COL4A2: variants seen among roughly 807,000 people sequenced by gnomAD.
COL4A2 encodes collagen alpha-2(IV) chain.
COL4A2 carries 99 observed loss-of-function variants against 200.2 expected under a neutral mutation model. The observed-to-expected ratio is 0.49, with a 90% confidence interval of 0.42 to 0.58. COL4A2 has a LOEUF of 0.58. COL4A2 is among the 20% of genes least tolerant of loss of function. The probability of loss-of-function intolerance (pLI) is 0.00; values close to 1 mark genes in which losing one functional copy is unlikely to be tolerated. For synonymous variants in COL4A2, 897 were observed against 900.6 expected, an observed-to-expected ratio of 1.00 and a Z score of 0.07; for missense variants, 1,950 against 2,314.1, an observed-to-expected ratio of 0.84 and a Z score of 3.23.
intron 16 of COL4A2, among the ~76,000 whole-genome samples, chr13:110,440,843 A>G (rs903198864): frequency 1.3e-5 from 2 of 152,130 alleles, no homozygotes; most frequent in Non-Finnish European, 2.9e-5. Flanking sequence ...ACTCATGCCA[A>G]CATACACACA....
intron 20 of COL4A2, chr13:110,456,314 G>A: frequency 4.4e-6 from 1 of 227,976 alleles, no homozygotes; most frequent in Non-Finnish European, 8.7e-6. Context: ...TGCATGTAAG[G>A]CATGAAAGAG....
intron 4 of COL4A2, among the ~76,000 whole-genome samples, chr13:110,382,195 T>C (rs9521733): frequency 0.41 from 62,180 of 152,088 alleles, 12,866 homozygotes; most frequent in African/African-American, 0.46. Flanking sequence ...CCATTCCAAA[T>C]GTCTTCAAAC....
chr13:110,399,348 G>C (rs752812271), intron 4 of COL4A2, among the ~76,000 whole-genome samples: 73 of 152,286 alleles, frequency 4.8e-4, no homozygotes, highest in Non-Finnish European at 3.7e-4. Context: ...AGAGAACCTT[G>C]ATGGCCATCA....
chr13:110,430,026 G>A (rs576966286), intron 8 of COL4A2, 70 bp downstream of exon 8: 120 of 1,445,044 alleles, frequency 8.3e-5, no homozygotes, highest in Non-Finnish European at 1.1e-4. Context: ...AAAGTTAATT[G>A]CCAAGTGAAC....
intron 33 of COL4A2, 94 bp from the exon 34 acceptor site, chr13:110,485,561 A>G: frequency 1.4e-6 from 1 of 728,742 alleles, no homozygotes. Context: ...CACAGCACGT[A>G]GGACAGCAAA....
At chr13:110,404,390 C>T (rs1879487204) in intron 4 of COL4A2, among the ~76,000 whole-genome samples, 1 of 152,122 alleles carries the variant, frequency 6.6e-6, no homozygotes, top group African/African-American at 2.4e-5. Flanking sequence ...ACACCTACTG[C>T]GTGAAGGGTT....
intron 3 of COL4A2, among the ~76,000 whole-genome samples, chr13:110,313,538 T>TGCTGGGTTCCA (rs1357515559): frequency 8.1e-5 from 11 of 135,106 alleles, no homozygotes; most frequent in African/African-American, 2.5e-4. Flanking sequence ...CCCACCCCGG[T>TGCTGGGTTCCA]GCCCCGCGTC....
intron 18 of COL4A2, among the ~76,000 whole-genome samples, chr13:110,447,179 C>T (rs758531484): frequency 1.4e-4 from 22 of 152,150 alleles, no homozygotes; most frequent in Non-Finnish European, 2.6e-4. Context: ...AGTTCTAGTT[C>T]TGCCGTCTGG....
chr13:110,416,596 G>C (rs1880050372), intron 4 of COL4A2, among the ~76,000 whole-genome samples: 1 of 152,228 alleles, frequency 6.6e-6, no homozygotes, highest in Admixed American at 6.5e-5. Flanking sequence ...CCTATTTTTA[G>C]AATAAGGAGC....
chr13:110,347,461 G>T (rs1190571699), intron 3 of COL4A2, among the ~76,000 whole-genome samples: 1 of 152,164 alleles, frequency 6.6e-6, no homozygotes, highest in Non-Finnish European at 1.5e-5. Context: ...CTGAACTCTT[G>T]CCCTTTGCTA....
chr13:110,476,490 G>A (rs1247716963), intron 29 of COL4A2, among the ~76,000 whole-genome samples: 1 of 152,238 alleles, frequency 6.6e-6, no homozygotes, highest in Non-Finnish European at 1.5e-5. Context: ...GTCAGACAGT[G>A]CGCAGTCAGC....
At chr13:110,444,689 A>T (rs1466883038) in intron 16 of COL4A2, among the ~76,000 whole-genome samples, 2 of 152,220 alleles carry the variant, frequency 1.3e-5, no homozygotes, top group East Asian at 3.8e-4. Context: ...GGCATTCTGA[A>T]TTTTGAGAGC....
chr13:110,431,401 G>A (rs1880676149), intron 10 of COL4A2, among the ~76,000 whole-genome samples: 1 of 152,080 alleles, frequency 6.6e-6, no homozygotes, highest in Non-Finnish European at 1.5e-5. Context: ...TAACAGTTGG[G>A]GGGTACTCAT....
At chr13:110,357,599 C>T in intron 4 of COL4A2, 47 bp downstream of exon 4, 2 of 1,550,434 alleles carry the variant, frequency 1.3e-6, no homozygotes, top group Non-Finnish European at 1.7e-6. Context: ...CTCATACAGT[C>T]ATGCCTCGCT....
At chr13:110,379,366 A>G (rs1474790006) in intron 4 of COL4A2, among the ~76,000 whole-genome samples, 1 of 152,234 alleles carries the variant, frequency 6.6e-6, no homozygotes, top group Non-Finnish European at 1.5e-5. Flanking sequence ...CACCCGAGGG[A>G]AAGCCTTGCC....
intron 22 of COL4A2, among the ~76,000 whole-genome samples, chr13:110,459,953 T>A (rs1181062265): frequency 2.0e-5 from 3 of 152,224 alleles, no homozygotes; most frequent in Non-Finnish European, 2.9e-5. Context: ...CTGTGCCTTA[T>A]GCAAAGGTCA....
At chr13:110,505,037 G>A (rs995447918) in intron 45 of COL4A2, among the ~76,000 whole-genome samples, 4 of 151,762 alleles carry the variant, frequency 2.6e-5, no homozygotes, top group Non-Finnish European at 5.9e-5. Context: ...AATGGTCTGA[G>A]CATTAAAATT....
chr13:110,307,728 G>A lies in COL4A2; in HGVS notation c.-44-132G>A, dbSNP rs1487606026. The A allele has an allele frequency of 3.7e-6, 3 of 818,852 alleles. No individual in the cohort carries two copies. The East Asian group carries it at 8.3e-5, about 23-fold the overall frequency. The allele number at this position is 818,852 out of a possible 1,614,324, so 50.7% of individuals were successfully genotyped here. The stretch of plus-strand genomic sequence containing the variant: ...CTCCTTCTTTCCGGGTCGTGGGGGG[G>A]ACGGCCCTCCGGTCACCCCTGCATG... On this transcript the variant is annotated intron_variant, in intron 1 of 47. Transcript: ENST00000360467. The surrounding 1 kb of genome is among the most constrained non-coding windows in gnomAD (Gnocchi z 5.0).
intron 6 of COL4A2, among the ~76,000 whole-genome samples, chr13:110,425,631 C>T (rs926469228): frequency 5.3e-5 from 8 of 152,216 alleles, no homozygotes; most frequent in South Asian, 2.1e-4. Flanking sequence ...GTTTATCGCA[C>T]GTTCTGACCC....
Sources: allele counts gnomAD v4.1 joint callset (sites outside exome capture counted in the v4.1 genomes callset), GRCh38; gene constraint gnomAD v4.1.1; non-coding constraint Gnocchi (gnomAD v3.1); transcripts MANE v1.5; gene names NCBI Gene and HGNC (gene_info 2026-07-23, HGNC 2026-07-21).